Variants in ZP4 observed in about 807,000 individuals in gnomAD.
The protein encoded by ZP4 is zona pellucida sperm-binding protein 4.
A neutral mutation model predicts 62.3 loss-of-function variants in ZP4; 62 were observed. That is an observed-to-expected ratio of 0.99 (90% confidence interval 0.81 to 1.23). The LOEUF (loss-of-function observed/expected upper bound fraction) is 1.23, where lower values mean the gene tolerates loss of function less well. Among genes scored for constraint, ZP4 ranks in the 50% most tolerant of loss-of-function variants. ZP4 has a pLI of 0.00. For missense variants in ZP4, 774 were observed against 656.0 expected (o/e 1.18, Z -1.97); for synonymous variants, 289 against 247.3 (o/e 1.17, Z -1.58).
chr1:237,883,469 C>T (rs984596845), intron 10 of ZP4, among the ~76,000 whole-genome samples: 1 of 151,310 alleles, frequency 6.6e-6, no homozygotes, highest in African/African-American at 2.4e-5. Flanking sequence ...AATCCCAACA[C>T]TTTGGGGGGC....
rs1203233723 is a variant in ZP4 at position 237,889,961 on chromosome 1, G to A, written c.306C>T (p.His102=). 2 of 1,614,146 alleles carry A rather than the reference G, an allele frequency of 1.2e-6. No homozygotes were observed. Among genetic ancestry groups the A allele is most frequent in the South Asian group, 2.2e-5 (2 of 91,084 alleles). ...CTTCAACTCCAACTGGCATGATGTA[G>A]TGGGAGTCCTGGAGAGACAGGCCCT... The part of the protein sequence containing the change: ...SSCYVTEWDS[H]YIMPVGVEGA... The change falls in exon 3 of 12, where the codon CAC becomes CAT. Residue 102 remains histidine (H), a synonymous_variant. Coordinates refer to ENST00000366570, the MANE Select transcript of ZP4 (RefSeq NM_021186.5).
At chr1:237,885,963 G>A in intron 6 of ZP4, 77 bp from the exon 7 acceptor site, 2 of 1,580,612 alleles carry the variant, frequency 1.3e-6, no homozygotes, top group Admixed American at 3.4e-5. Flanking sequence ...TTTAACTCAA[G>A]GAAAGCATTA....
intron 3 of ZP4, among the ~76,000 whole-genome samples, chr1:237,889,519 T>A (rs1045242436): frequency 6.6e-6 from 1 of 151,920 alleles, no homozygotes; most frequent in African/African-American, 2.4e-5. Flanking sequence ...GGTTTCTCCA[T>A]GTTGGTCAGG....
chr1:237,885,894 GAAAC>G lies in ZP4; in HGVS notation c.840-12_840-9del. 1 of 1,613,774 alleles carries G rather than the reference GAAAC, an allele frequency of 6.2e-7. No individual in the cohort carries two copies. Among genetic ancestry groups the G allele is most frequent in the Non-Finnish European group, 8.5e-7 (1 of 1,179,906 alleles). ...CTGCAGCTGACATGGAGCCTGCAGA[GAAAC>G]AAGATTTTAGCTAGTTGGTTGTGGG... On this transcript the variant is annotated splice_polypyrimidine_tract_variant and intron_variant, in intron 6 of 11. Coordinates refer to ENST00000366570, the MANE Select transcript of ZP4 (RefSeq NM_021186.5).
chr1:237,888,639 A>G (rs1054678652), intron 3 of ZP4, 129 bp from the exon 4 acceptor site: 13 of 802,012 alleles, frequency 1.6e-5, no homozygotes, highest in East Asian at 5.7e-5. Context: ...TCTACTCCAT[A>G]TTGTAGATAG....
chr1:237,885,028 A>T, intron 9 of ZP4, 137 bp downstream of exon 9: 1 of 1,307,914 alleles, frequency 7.6e-7, no homozygotes, highest in Non-Finnish European at 1.1e-6. Flanking sequence ...TGTAATTAGT[A>T]ACAAGGGTTG....
rs769570306 is a variant in ZP4, at chr1:237,890,654, T to C, written c.-19A>G. 3.1e-6 allele frequency: 5 copies of C among 1,605,572 alleles called. No homozygotes were observed. Among genetic ancestry groups the C allele is most frequent in the African/African-American group, 2.7e-5 (2 of 74,724 alleles). The stretch of plus-strand genomic sequence containing the variant: ...GCCACATAATGCTACCAGGAGTTCC[T>C]GCCGGCTGCAGACTCTCCGCCTCCT... On this transcript the variant is annotated 5_prime_UTR_variant, in exon 1 of 12. Coordinates refer to ENST00000366570, the MANE Select transcript of ZP4 (RefSeq NM_021186.5).
chr1:237,886,852 G>A lies in ZP4; in HGVS notation c.758C>T (p.Ala253Val). The change falls in exon 6 of 12, where the codon GCA becomes GTA. Residue 253 changes from alanine (A) to valine (V), a missense_variant. Ala to Val is a moderately conservative substitution (Grantham distance 64). Coordinates refer to ENST00000366570, the MANE Select transcript of ZP4 (RefSeq NM_021186.5). ...GTTRQITGDRAVYENELVATR... is the reference protein window; with the variant it reads ...GTTRQITGDRVVYENELVATR... ...TGCCACCAGTTCATTTTCATATACTGCTCGGTCTCCAGTGATCTACAGGAA... is the reference window on the plus strand; with the variant it reads ...TGCCACCAGTTCATTTTCATATACTACTCGGTCTCCAGTGATCTACAGGAA... 6.2e-7 allele frequency: 1 copy of A among 1,613,888 alleles called. No individual in the cohort carries two copies. The highest frequency in any genetic ancestry group is 1.3e-5 in the African/African-American group (1 of 74,996).
Position 237,882,788 on chromosome 1 carries a change from G to T in ZP4, c.1449C>A (p.Gly483=), listed in dbSNP as rs140287634. 165 of 1,614,004 alleles carry T rather than the reference G, an allele frequency of 1.0e-4. No homozygotes were observed. Among genetic ancestry groups the T allele is most frequent in the Admixed American group, 1.2e-4 (7 of 60,004 alleles). The change falls in exon 11 of 12, where the codon GGC becomes GGA. Residue 483 remains glycine, a synonymous_variant. Coordinates refer to ENST00000366570, the MANE Select transcript of ZP4 (RefSeq NM_021186.5). ...QNTTASVSSK[G]PMILLQATKD... ...TAGTGGCTTGGAGTAGAATCATGGG[G>T]CCTTTGCTAGAAACACTAGCAGTAG...
At chr1:237,884,689 G>GT (rs1310321468) in intron 10 of ZP4, 80 bp downstream of exon 10, 1 of 1,337,442 alleles carries the variant, frequency 7.5e-7, no homozygotes, top group African/African-American at 1.4e-5. Flanking sequence ...AGTTTGAGTT[G>GT]TTTGGCCAGA....
rs1289899778 is a variant in ZP4 at position 237,886,002 on chromosome 1, G to A, written c.840-116C>T. On this transcript the variant is annotated intron_variant, in intron 6 of 11. Coordinates refer to ENST00000366570, the MANE Select transcript of ZP4 (RefSeq NM_021186.5). ...GCTAGACAAGTTTATAAGTGTGATG[G>A]ATGTGGTTCCTGCCCTGCTGGGAGC... 4 of 1,411,988 alleles carry A rather than the reference G, an allele frequency of 2.8e-6. No homozygotes were observed. The African/African-American group carries it at 5.7e-5, about 20-fold the overall frequency. The allele number at this position is 1,411,988 out of a possible 1,614,324, so 87.5% of individuals were successfully genotyped here.
rs770854993 is a variant in ZP4, at chr1:237,885,441, T to G, written c.1110A>C (p.Thr370=). 4 of 1,613,754 alleles carry G rather than the reference T, an allele frequency of 2.5e-6. No homozygotes were observed. The South Asian group carries it at 3.3e-5, about 13-fold the overall frequency. The change falls in exon 8 of 12, where the codon ACA becomes ACC. Residue 370 remains threonine, a synonymous_variant. Coordinates refer to ENST00000366570, the MANE Select transcript of ZP4 (RefSeq NM_021186.5). The stretch of plus-strand genomic sequence containing the variant: ...GCTGACTCAGGGGGTCAGTGCTGGG[T>G]GTTGCCCAACACTGTTGTAGGAGCA... ...LGLLLQQCWA[T]PSTDPLSQPQ... is the part of the protein sequence containing the mutation.
chr1:237,885,458 G>T lies in ZP4; in HGVS notation c.1093C>A (p.Gln365Lys). Reference sequence around the variant, plus strand: ...GTGCTGGGTGTTGCCCAACACTGTTGTAGGAGCAGCCCCAGGTAGGGGTCT... The same window carrying T: ...GTGCTGGGTGTTGCCCAACACTGTTTTAGGAGCAGCCCCAGGTAGGGGTCT... ...RTDPYLGLLL[Q>K]QCWATPSTDP... The change falls in exon 8 of 12, where the codon CAA becomes AAA. Residue 365 changes from glutamine to lysine, a missense_variant. Physicochemically the swap from Gln to Lys is moderately conservative, Grantham distance 53. Coordinates refer to ENST00000366570, the MANE Select transcript of ZP4 (RefSeq NM_021186.5). 6.2e-7 allele frequency: 1 copy of T among 1,614,150 alleles called. No individual in the cohort carries two copies. Among genetic ancestry groups the T allele is most frequent in the Non-Finnish European group, 8.5e-7 (1 of 1,180,020 alleles).
At chr1:237,883,653 C>T (rs1469429371) in intron 10 of ZP4, among the ~76,000 whole-genome samples, 1 of 5,390 alleles carries the variant, frequency 1.9e-4, no homozygotes, top group Non-Finnish European at 3.6e-4. Context: ...CGGGGGAGGG[C>T]GGGGGAGGGC....
At chr1:237,889,837 C>G in intron 3 of ZP4, 30 bp downstream of exon 3, 1 of 1,573,444 alleles carries the variant, frequency 6.4e-7, no homozygotes, top group African/African-American at 1.3e-5. Flanking sequence ...CCACCACCCC[C>G]ACAAGACCCT....
chr1:237,885,341 G>T, intron 8 of ZP4, 26 bp from the exon 9 acceptor site: 1 of 1,612,550 alleles, frequency 6.2e-7, no homozygotes, highest in Non-Finnish European at 8.5e-7. Flanking sequence ...CAGCAGTCAG[G>T]ATGGGCTTCT....
Position 237,885,535 on chromosome 1 carries a change from A to G in ZP4, c.1016T>C (p.Val339Ala). ...SYYGVGDYPV[V>A]KLLRDPIYVE... ...GTAAATGGGATCCCGAAGCAACTTC[A>G]CCACTGGGTAGTCACCAACACCGTA... is the stretch of plus-strand genomic sequence containing the variant. Residue 339 changes from valine (V) to alanine (A), a missense_variant, in exon 8 of 12, where the codon GTG (valine) becomes GCG (alanine). Val to Ala is a moderately conservative substitution (Grantham distance 64). Transcript: ENST00000366570. The G allele has an allele frequency of 1.2e-6, 2 of 1,614,148 alleles. No homozygotes were observed. Among genetic ancestry groups the G allele is most frequent in the Non-Finnish European group, 8.5e-7 (1 of 1,180,018 alleles).
rs1665013667 is a variant in ZP4, at chr1:237,883,983, A to AAACACACACAAACACACACAAAC, written c.1390+785_1390+786insGTTTGTGTGTGTTTGTGTGTGTT. Among the ~76,000 whole-genome samples the AAACACACACAAACACACACAAAC allele has an allele frequency of 4.7e-5, 2 of 42,400 alleles. 1 individual carries two copies. Among genetic ancestry groups the AAACACACACAAACACACACAAAC allele is most frequent in the African/African-American group, 1.8e-4 (2 of 11,094 alleles). The allele number at this position is 42,400 out of a possible 152,430, so 27.8% of individuals were successfully genotyped here. A position where few individuals can be genotyped will look rare whatever the true frequency, so the allele number is the denominator to read the frequency against. ...ACACACACAAACACACACACACACA[A>AAACACACACAAACACACACAAAC]ACACACACACACACACACACACACA... On this transcript the variant is annotated intron_variant, in intron 10 of 11. Transcript: ENST00000366570.
At chr1:237,884,017 A>ACACACACACAC (rs1665026966) in intron 10 of ZP4, among the ~76,000 whole-genome samples, 1 of 87,942 alleles carries the variant, frequency 1.1e-5, no homozygotes, top group African/African-American at 4.8e-5. Context: ...CACACACACA[A>ACACACACACAC]ACACACACAC....
Sources: gnomAD v4.1 joint callset for allele counts (sites outside exome capture counted in the v4.1 genomes callset) on GRCh38, gnomAD v4.1.1 for gene constraint, MANE v1.5 for transcripts, NCBI Gene and HGNC (gene_info 2026-07-23, HGNC 2026-07-21) for gene names.